CDH13: variants seen among roughly 807,000 people sequenced by gnomAD.
CDH13 encodes cadherin-13.
In CDH13, 24 loss-of-function variants were observed where a neutral mutation model predicts 63.8. The observed-to-expected ratio is 0.38, with a 90% confidence interval of 0.27 to 0.53. The LOEUF is 0.53. Ranked by LOEUF, CDH13 falls within the 20% of genes least tolerant of loss-of-function variation. The pLI is 0.85. For synonymous variants in CDH13, 503 were observed against 355.3 expected (o/e 1.42, Z -4.67); for missense variants, 1,049 against 903.1 (o/e 1.16, Z -2.07).
chr16:83,521,858 A>G (rs1241028047), intron 7 of CDH13, among the ~76,000 whole-genome samples: 1 of 152,228 alleles, frequency 6.6e-6, no homozygotes, highest in East Asian at 1.9e-4. Context: ...TGCATTTTCA[A>G]TAACTTCACC....
intron 4 of CDH13, chr16:83,171,672 T>C (rs1039116594): frequency 3.2e-6 from 3 of 932,144 alleles, no homozygotes; most frequent in African/African-American, 3.3e-5. Flanking sequence ...ACACTGCAAA[T>C]AGCATGCTCT....
intron 2 of CDH13, among the ~76,000 whole-genome samples, chr16:82,917,574 G>T (rs11150522): frequency 9.9e-5 from 15 of 152,024 alleles, no homozygotes; most frequent in Admixed American, 8.5e-4. Context: ...TCAAAGAAGC[G>T]TATTGTGACA....
At chr16:83,414,803 C>G (rs531114615) in intron 6 of CDH13, among the ~76,000 whole-genome samples, 23 of 152,196 alleles carry the variant, frequency 1.5e-4, no homozygotes, top group Admixed American at 1.5e-3. Context: ...TCATATTTAT[C>G]CACTCATCCA....
At chr16:82,798,882 C>T (rs1015519016) in intron 1 of CDH13, among the ~76,000 whole-genome samples, 7 of 152,010 alleles carry the variant, frequency 4.6e-5, no homozygotes, top group African/African-American at 1.2e-4. Flanking sequence ...ATAACAGGAA[C>T]CCTTGGAAGT....
At chr16:83,663,395 A>G (rs767510372) in intron 8 of CDH13, among the ~76,000 whole-genome samples, 2 of 152,236 alleles carry the variant, frequency 1.3e-5, no homozygotes, top group African/African-American at 4.8e-5. Context: ...TAGAAATTAT[A>G]TAATCTCTGT....
intron 3 of CDH13, among the ~76,000 whole-genome samples, chr16:83,102,911 CTT>C (rs140557578): frequency 2.8e-4 from 27 of 96,562 alleles, no homozygotes; most frequent in South Asian, 1.2e-3. Context: ...ATTAAACTTT[CTT>C]TTTTTTTTTT....
At chr16:83,108,300 C>A (rs1260193619) in intron 3 of CDH13, among the ~76,000 whole-genome samples, 1 of 152,170 alleles carries the variant, frequency 6.6e-6, no homozygotes, top group Non-Finnish European at 1.5e-5. Flanking sequence ...CCATGCCCCA[C>A]CTGTAAATGT....
At chr16:82,800,828 T>A (rs1450567723) in intron 1 of CDH13, among the ~76,000 whole-genome samples, 2 of 152,228 alleles carry the variant, frequency 1.3e-5, no homozygotes, top group Non-Finnish European at 2.9e-5. Flanking sequence ...TGGAGTCATG[T>A]TGAGTTTGGT....
At chr16:83,512,679 T>C (rs1404424100) in intron 7 of CDH13, among the ~76,000 whole-genome samples, 7 of 149,814 alleles carry the variant, frequency 4.7e-5, no homozygotes, top group Admixed American at 4.0e-4. Flanking sequence ...ATAATAATAA[T>C]AATAATATAA....
chr16:83,016,619 G>A (rs1270844387), intron 2 of CDH13, among the ~76,000 whole-genome samples: 3 of 152,156 alleles, frequency 2.0e-5, no homozygotes, highest in African/African-American at 7.2e-5. Flanking sequence ...CCTTGTCAAA[G>A]CCTTGTGCAT....
At chr16:82,897,467 GCT>G (rs1555537490) in intron 2 of CDH13, among the ~76,000 whole-genome samples, 1 of 152,110 alleles carries the variant, frequency 6.6e-6, no homozygotes, top group Non-Finnish European at 1.5e-5. Context: ...CTCACTTTTG[GCT>G]CTCTCAGCTA....
At chr16:83,414,776 T>A (rs1295648871) in intron 6 of CDH13, among the ~76,000 whole-genome samples, 4 of 152,192 alleles carry the variant, frequency 2.6e-5, no homozygotes, top group Non-Finnish European at 5.9e-5. Flanking sequence ...TGAATCATAT[T>A]TTATTCTATG....
intron 6 of CDH13, among the ~76,000 whole-genome samples, chr16:83,400,091 G>A (rs2091945278): frequency 6.6e-6 from 1 of 151,744 alleles, no homozygotes; most frequent in East Asian, 1.9e-4. Flanking sequence ...AGAAGGGAAG[G>A]AGCATGCTGA....
intron 1 of CDH13, among the ~76,000 whole-genome samples, chr16:82,769,913 C>T (rs1374776210): frequency 3.9e-5 from 6 of 152,202 alleles, no homozygotes; most frequent in African/African-American, 9.7e-5. Context: ...GTGAGATTAA[C>T]GAGCCCATGA....
intron 2 of CDH13, among the ~76,000 whole-genome samples, chr16:82,865,833 G>C (rs899811211): frequency 6.6e-6 from 1 of 152,118 alleles, no homozygotes; most frequent in South Asian, 2.1e-4. Context: ...TTCATCTTCA[G>C]GCTGCAAATT....
chr16:83,504,903 C>A (rs2074361810), intron 7 of CDH13, among the ~76,000 whole-genome samples: 1 of 152,082 alleles, frequency 6.6e-6, no homozygotes. Flanking sequence ...GACATGTCAA[C>A]GTAATTATTT....
intron 1 of CDH13, among the ~76,000 whole-genome samples, chr16:82,851,685 G>A (rs918012039): frequency 9.3e-5 from 2 of 21,538 alleles, no homozygotes; most frequent in Non-Finnish European, 2.4e-4. Context: ...ACGTGTGTGT[G>A]TGTGTGTGTG....
intron 5 of CDH13, among the ~76,000 whole-genome samples, chr16:83,325,599 C>G (rs1324953004): frequency 2.0e-5 from 3 of 152,148 alleles, no homozygotes; most frequent in African/African-American, 4.8e-5. Flanking sequence ...ACTTTATTCA[C>G]AAAATCAAGC....
intron 4 of CDH13, among the ~76,000 whole-genome samples, chr16:83,165,859 A>T (rs568672257): frequency 5.9e-5 from 9 of 152,120 alleles, no homozygotes; most frequent in Non-Finnish European, 1.3e-4. Context: ...AAAGAGAAGA[A>T]CAACTGAAAG....
Sources: allele counts gnomAD v4.1 joint callset (sites outside exome capture counted in the v4.1 genomes callset), GRCh38; gene constraint gnomAD v4.1.1; transcripts MANE v1.5; gene names NCBI Gene and HGNC (gene_info 2026-07-23, HGNC 2026-07-21).